Variants in SYNE1 observed in about 807,000 individuals in gnomAD.
SYNE1 encodes spectrin repeat containing nuclear envelope protein 1, also known as nesprin-1.
In SYNE1, 616 loss-of-function variants were observed where a neutral mutation model predicts 1,111.0. The ratio of observed to expected loss-of-function variants is 0.55; its 90% CI spans 0.52 to 0.59. The LOEUF is 0.59. SYNE1 is among the 20% of genes least tolerant of loss of function. The probability of loss-of-function intolerance (pLI) is 0.00; values close to 1 mark genes in which losing one functional copy is unlikely to be tolerated. For synonymous variants in SYNE1, 3,855 were observed against 3,825.8 expected (o/e 1.01, Z -0.28); for missense variants, 10,006 against 10,417.0 (o/e 0.96, Z 1.72).
chr6:152,615,936 C>T (rs2099644814), intron 3 of SYNE1, among the ~76,000 whole-genome samples: 1 of 152,124 alleles, frequency 6.6e-6, no homozygotes, highest in East Asian at 1.9e-4. Flanking sequence ...TTTTTGTATG[C>T]CATGTATCAC....
At chr6:152,488,550 T>A in intron 11 of SYNE1, 47 bp from the exon 12 acceptor site, 2 of 1,007,718 alleles carry the variant, frequency 2.0e-6, no homozygotes, top group Non-Finnish European at 3.1e-6. Context: ...TGTGCATTTA[T>A]TTAATTGCTG....
intron 6 of SYNE1, among the ~76,000 whole-genome samples, chr6:152,515,750 T>C (rs1389886619): frequency 6.6e-6 from 1 of 152,184 alleles, no homozygotes; most frequent in Non-Finnish European, 1.5e-5. Context: ...TGTATTACTG[T>C]GCTGAATGAT....
chr6:152,143,700 G>A lies in SYNE1; in HGVS notation c.25042C>T (p.Gln8348Ter), dbSNP rs1562983167. 6.2e-7 allele frequency: 1 copy of A among 1,614,210 alleles called. No individual in the cohort carries two copies. The highest frequency in any genetic ancestry group is 1.7e-5 in the Admixed American group (1 of 60,030). The stretch of plus-strand genomic sequence containing the variant: ...ATGATATTTTCGGTTTGCTGTATCT[G>A]AAAACGGCTATCATCCAGGGCTTTG... The part of the protein sequence containing the change: ...LGKALDDSRF[Q>*]IQQTENIIRS... The change falls in exon 138 of 146, where the codon CAG (glutamine) becomes TAG (stop). Residue 8348 changes from glutamine to a stop codon, truncating the protein, a stop_gained. Transcript: ENST00000367255. LOFTEE classifies it high-confidence loss of function.
chr6:152,242,440 C>T lies in SYNE1; in HGVS notation c.19693G>A (p.Asp6565Asn). Residue 6565 changes from aspartate (D) to asparagine (N), a missense_variant and splice_region_variant, in exon 107 of 146, where the codon GAC (aspartate) becomes AAC (asparagine). By Grantham distance (23) the Asp-to-Asn change is conservative. Transcript: ENST00000367255. ...ATCATCATCAGCTCATCATACATGT[C>T]CTAAGAAGCAGAGACCACAAGACTC... ...PSMQELSKLQ[D>N]MYDELMMIIG... 1.2e-6 allele frequency: 2 copies of T among 1,613,916 alleles called. No homozygotes were observed. The highest frequency in any genetic ancestry group is 1.3e-5 in the African/African-American group (1 of 74,976).
At chr6:152,558,366 C>G (rs369967227) in intron 3 of SYNE1, among the ~76,000 whole-genome samples, 16 of 152,230 alleles carry the variant, frequency 1.1e-4, no homozygotes, top group African/African-American at 3.9e-4. Flanking sequence ...AGTAAATAGA[C>G]TAAATTCTTT....
At chr6:152,628,681 G>A (rs1223379068) in intron 2 of SYNE1, 127 bp from the exon 3 acceptor site, 1 of 251,502 alleles carries the variant, frequency 4.0e-6, no homozygotes, top group African/African-American at 2.2e-5. Flanking sequence ...ACAACTTAGT[G>A]AAAAGCACTT....
intron 28 of SYNE1, among the ~76,000 whole-genome samples, chr6:152,448,930 T>C (rs1190338716): frequency 2.0e-5 from 3 of 152,124 alleles, no homozygotes; most frequent in Admixed American, 2.0e-4. Flanking sequence ...TGTGGCAACT[T>C]TGTGATGTGC....
intron 16 of SYNE1, among the ~76,000 whole-genome samples, chr6:152,471,053 T>C (rs1474674433): frequency 2.0e-5 from 3 of 152,054 alleles, no homozygotes; most frequent in African/African-American, 7.2e-5. Context: ...TCCTTAAAAA[T>C]TAAGTTGGTA....
In SYNE1 at chr6:152,230,660, C is replaced by A; in HGVS notation, c.21082G>T (p.Glu7028Ter). The change falls in exon 115 of 146, where the codon GAA becomes TAA. Residue 7028 changes from glutamate (E) to a stop codon, truncating the protein, a stop_gained. Transcript: ENST00000367255. LOFTEE classifies it high-confidence loss of function. Reference sequence around the variant, plus strand: ...GTTTTCAGACATTGTACATTATTTTCATATTCTGACCAAGATTCCAATAAG... The same window carrying A: ...GTTTTCAGACATTGTACATTATTTTAATATTCTGACCAAGATTCCAATAAG... Reference protein sequence around the residue: ...EGLLESWSEYENNVQCLKTWF... With the variant: ...EGLLESWSEY 6.2e-7 allele frequency: 1 copy of A among 1,614,022 alleles called. No individual in the cohort carries two copies. The highest frequency in any genetic ancestry group is 8.5e-7 in the Non-Finnish European group (1 of 1,179,954).
At chr6:152,403,524 C>T (rs1002208417) in intron 46 of SYNE1, among the ~76,000 whole-genome samples, 7 of 152,056 alleles carry the variant, frequency 4.6e-5, no homozygotes, top group Non-Finnish European at 8.8e-5. Flanking sequence ...AGTACAAGAC[C>T]AGCCTTGGCA....
chr6:152,631,895 C>T (rs935970362), intron 2 of SYNE1, among the ~76,000 whole-genome samples: 1 of 152,162 alleles, frequency 6.6e-6, no homozygotes, highest in Non-Finnish European at 1.5e-5. Context: ...TTTGGAACAA[C>T]TCAGGAGCAA....
chr6:152,379,000 C>G (rs539128665), intron 56 of SYNE1, among the ~76,000 whole-genome samples: 5 of 152,276 alleles, frequency 3.3e-5, no homozygotes, highest in South Asian at 4.1e-4. Context: ...ATTCCAAACA[C>G]TAAACTAGGA....
intron 53 of SYNE1, among the ~76,000 whole-genome samples, chr6:152,387,946 AAATAGTCACAAATAT>A (rs1439739855): frequency 1.3e-5 from 2 of 152,184 alleles, no homozygotes; most frequent in Non-Finnish European, 2.9e-5. Flanking sequence ...TTTATAAGAA[AAATAGTCACAAATAT>A]AATAGCTTTC....
chr6:152,358,250 T>C (rs762562825), intron 66 of SYNE1, 123 bp downstream of exon 66: 8 of 1,290,850 alleles, frequency 6.2e-6, no homozygotes, highest in South Asian at 3.6e-5. Flanking sequence ...CTTATGGGGA[T>C]TGCACTTAAT....
At chr6:152,157,258 A>G (rs2061556812) in intron 131 of SYNE1, among the ~76,000 whole-genome samples, 1 of 152,258 alleles carries the variant, frequency 6.6e-6, no homozygotes, top group Non-Finnish European at 1.5e-5. Context: ...AAAAAAATGA[A>G]ATTATGTTGT....
chr6:152,233,662 A>G, intron 112 of SYNE1, 119 bp downstream of exon 112: 5 of 1,245,906 alleles, frequency 4.0e-6, no homozygotes, highest in Non-Finnish European at 5.7e-6. Flanking sequence ...GGGAGAGAGA[A>G]GAGGCCAGGT....
At chr6:152,130,968 G>C (rs545321962) in intron 144 of SYNE1, among the ~76,000 whole-genome samples, 190 bp from the exon 145 acceptor site, 1 of 152,288 alleles carries the variant, frequency 6.6e-6, no homozygotes, top group South Asian at 2.1e-4. Flanking sequence ...ATATCTATGT[G>C]ATTAGCCACT....
intron 128 of SYNE1, among the ~76,000 whole-genome samples, chr6:152,188,838 G>C (rs1368759714): frequency 2.0e-5 from 3 of 150,012 alleles, no homozygotes; most frequent in Non-Finnish European, 4.4e-5. Context: ...GGTGCCTGTA[G>C]TCCCAGCTAC....
intron 106 of SYNE1, among the ~76,000 whole-genome samples, chr6:152,243,231 G>A (rs1472042214): frequency 1.3e-5 from 2 of 152,098 alleles, no homozygotes; most frequent in Admixed American, 6.6e-5. Context: ...TAATTTCAGA[G>A]CAATTGAATA....
Sources: allele counts gnomAD v4.1 joint callset (sites outside exome capture counted in the v4.1 genomes callset), GRCh38; gene constraint gnomAD v4.1.1; transcripts MANE v1.5; gene names NCBI Gene and HGNC (gene_info 2026-07-23, HGNC 2026-07-21).